SULT2B1: variants seen among roughly 807,000 people sequenced by gnomAD.
The protein encoded by SULT2B1 is sulfotransferase 2B1.
Under a neutral mutation model 33.2 loss-of-function variants are expected in SULT2B1, and 16 were observed. The ratio of observed to expected loss-of-function variants is 0.48; its 90% CI spans 0.33 to 0.73. The LOEUF (loss-of-function observed/expected upper bound fraction) is 0.73. Ranked by LOEUF, SULT2B1 falls within the 30% of genes least tolerant of loss-of-function variation. The probability of loss-of-function intolerance (pLI) is 0.02; values close to 1 mark genes in which losing one functional copy is unlikely to be tolerated. For synonymous variants in SULT2B1, 186 were observed against 200.5 expected, an observed-to-expected ratio of 0.93 and a Z score of 0.61; for missense variants, 500 against 506.0, an observed-to-expected ratio of 0.99 and a Z score of 0.11.
chr19:48,577,203 T>TTTTTA (rs773924047), intron 2 of SULT2B1, among the ~76,000 whole-genome samples: 82 of 150,778 alleles, frequency 5.4e-4, no homozygotes, highest in Non-Finnish European at 8.9e-4. Flanking sequence ...CGGCTACTTC[T>TTTTTA]TTTTATTTTA....
At chr19:48,555,089 T>C (rs1255543485) in intron 1 of SULT2B1, among the ~76,000 whole-genome samples, 3 of 151,686 alleles carry the variant, frequency 2.0e-5, no homozygotes, top group African/African-American at 7.3e-5. Flanking sequence ...GCCCAGTTAA[T>C]ATTATTACTA....
rs896958062 is a variant in SULT2B1, at chr19:48,552,393, C to A, written c.71+70C>A. ...GGTGGCTGTTTGGGGGAGCCGGGGA[C>A]TGTGGCAAGGGTGGCCTCCAGCCAC... On this transcript the variant is annotated intron_variant, in intron 1 of 6. Transcript: ENST00000201586. The surrounding 1 kb of genome is among the most constrained non-coding windows in gnomAD (Gnocchi z 4.8). 2.3e-5 allele frequency: 35 copies of A among 1,549,286 alleles called. No individual in the cohort carries two copies. The African/African-American group carries it at 4.1e-4, about 18-fold the overall frequency.
At chr19:48,585,048 CAAAAAAAAAAA>C (rs57540837) in intron 2 of SULT2B1, among the ~76,000 whole-genome samples, 1 of 62,246 alleles carries the variant, frequency 1.6e-5, no homozygotes, top group African/African-American at 7.2e-5. Flanking sequence ...GACTCCTTCT[CAAAAAAAAAAA>C]AAAAAAAAAA....
At chr19:48,556,766 C>G (rs920196650) in intron 1 of SULT2B1, among the ~76,000 whole-genome samples, 1 of 151,546 alleles carries the variant, frequency 6.6e-6, no homozygotes, top group Non-Finnish European at 1.5e-5. Flanking sequence ...GCCTGGCCAA[C>G]ATGGTGACAC....
At chr19:48,591,548 A>G (rs1973642511) in intron 3 of SULT2B1, 61 bp from the exon 4 acceptor site, 1 of 1,550,190 alleles carries the variant, frequency 6.5e-7, no homozygotes, top group Non-Finnish European at 8.7e-7. Flanking sequence ...AGGAGGCCTC[A>G]GGGGCTGGGG....
intron 3 of SULT2B1, among the ~76,000 whole-genome samples, chr19:48,588,660 T>C (rs1462335512): frequency 1.3e-5 from 2 of 151,606 alleles, no homozygotes; most frequent in African/African-American, 4.8e-5. Flanking sequence ...ATGGGATAAA[T>C]TTACATTGGG....
intron 1 of SULT2B1, among the ~76,000 whole-genome samples, chr19:48,566,933 G>A (rs1050200775): frequency 6.6e-6 from 1 of 152,020 alleles, no homozygotes; most frequent in African/African-American, 2.4e-5. Context: ...AACCTGGGAG[G>A]TGCTAGTTGC....
chr19:48,552,782 G>A lies in SULT2B1; in HGVS notation c.71+459G>A, dbSNP rs1473541213. 6.6e-6 allele frequency among the ~76,000 whole-genome samples: 1 copy of A among 152,132 alleles called. No homozygotes were observed. The highest frequency in any genetic ancestry group is 2.4e-5 in the African/African-American group (1 of 41,442). On this transcript the variant is annotated intron_variant, in intron 1 of 6. Coordinates refer to ENST00000201586, the MANE Select transcript of SULT2B1 (RefSeq NM_177973.2). This position sits in a 1 kb window ranked among gnomAD's most constrained non-coding sequence, Gnocchi z 4.8. Reference sequence around the variant, plus strand: ...GGGATGCTGCTGAGACCCCCAGAGGGAGAAGCTGTGTTCTAGGGCACTTGG... The same window carrying A: ...GGGATGCTGCTGAGACCCCCAGAGGAAGAAGCTGTGTTCTAGGGCACTTGG...
chr19:48,556,635 T>C (rs1489934084), intron 1 of SULT2B1, among the ~76,000 whole-genome samples: 1 of 150,030 alleles, frequency 6.7e-6, no homozygotes, highest in Non-Finnish European at 1.5e-5. Context: ...GTTTTCAGAA[T>C]ACACGCATAT....
chr19:48,568,344 A>G (rs541351743), intron 1 of SULT2B1, among the ~76,000 whole-genome samples: 71 of 151,532 alleles, frequency 4.7e-4, no homozygotes, highest in African/African-American at 1.6e-3. Context: ...GGATGCGGAG[A>G]TGGGCAGTAA....
intron 1 of SULT2B1, among the ~76,000 whole-genome samples, chr19:48,575,228 C>T (rs1243146280): frequency 6.7e-6 from 1 of 149,858 alleles, no homozygotes; most frequent in African/African-American, 2.5e-5. Flanking sequence ...CCTGCCTCAG[C>T]CTCCCGAGTA....
In SULT2B1 at chr19:48,552,267, C is replaced by T. The variant is rs16982141; in HGVS notation, c.15C>T (p.Ala5=). ...ACCCACCTGCCATGGACGGGCCCGCCGAGCCCCAGATCCCGGGCTTGTGGG... is the reference window on the plus strand; with the variant it reads ...ACCCACCTGCCATGGACGGGCCCGCTGAGCCCCAGATCCCGGGCTTGTGGG... MDGP[A]EPQIPGLWDT... is the part of the protein sequence containing the mutation. Residue 5 remains alanine (A), a synonymous_variant, in exon 1 of 7, where the codon GCC becomes GCT. Transcript: ENST00000201586. This position sits in a 1 kb window ranked among gnomAD's most constrained non-coding sequence, Gnocchi z 4.8. The T allele has an allele frequency of 6.2e-3, 10,020 of 1,613,932 alleles. 50 individuals carry two copies. The highest frequency in any genetic ancestry group is 0.01 in the South Asian group (926 of 91,074).
chr19:48,599,182 G>T lies in SULT2B1; in HGVS notation c.874G>T (p.Ala292Ser). 6.2e-7 allele frequency: 1 copy of T among 1,601,128 alleles called. No homozygotes were observed. Residue 292 changes from alanine (A) to serine (S), a missense_variant, in exon 7 of 7, where the codon GCC becomes TCC. Coordinates refer to ENST00000201586, the MANE Select transcript of SULT2B1 (RefSeq NM_177973.2). The surrounding 1 kb of genome is among the most constrained non-coding windows in gnomAD (Gnocchi z 4.1). ...KNHFTVAQSE[A>S]FDRAYRKQMR... is the part of the protein sequence containing the mutation. Reference sequence around the variant, plus strand: ...CCACTTCACGGTGGCCCAGAGCGAAGCCTTCGATCGTGCCTACCGCAAGCA... The same window carrying T: ...CCACTTCACGGTGGCCCAGAGCGAATCCTTCGATCGTGCCTACCGCAAGCA...
chr19:48,569,400 G>C (rs1381842154), intron 1 of SULT2B1, among the ~76,000 whole-genome samples: 1 of 7,768 alleles, frequency 1.3e-4, no homozygotes, highest in African/African-American at 9.7e-4. Flanking sequence ...ATATATATAT[G>C]ATAAATTTTA....
intron 4 of SULT2B1, among the ~76,000 whole-genome samples, chr19:48,592,317 T>C (rs1973653721): frequency 6.6e-6 from 1 of 150,452 alleles, no homozygotes; most frequent in Non-Finnish European, 1.5e-5. Flanking sequence ...TAAAAAGAGA[T>C]AAGGAAATAA....
chr19:48,568,218 C>T (rs1368029522), intron 1 of SULT2B1, among the ~76,000 whole-genome samples: 1 of 146,728 alleles, frequency 6.8e-6, no homozygotes, highest in African/African-American at 2.6e-5. Context: ...GGGTGGAGGT[C>T]GAGGGTGCAG....
chr19:48,592,627 G>A (rs1322647824), intron 4 of SULT2B1, 95 bp from the exon 5 acceptor site: 1 of 1,079,800 alleles, frequency 9.3e-7, no homozygotes, highest in Non-Finnish European at 1.4e-6. Flanking sequence ...GGACCTGGGG[G>A]TTTGTGGGGC....
intron 2 of SULT2B1, among the ~76,000 whole-genome samples, chr19:48,576,415 T>G (rs1355904351): frequency 8.3e-6 from 1 of 119,954 alleles, no homozygotes; most frequent in Non-Finnish European, 1.7e-5. Flanking sequence ...CAGGCTGGTC[T>G]TGAACTCCTG....
chr19:48,593,830 C>T (rs1049634083), intron 5 of SULT2B1, among the ~76,000 whole-genome samples: 19 of 148,026 alleles, frequency 1.3e-4, no homozygotes, highest in African/African-American at 4.4e-4. Flanking sequence ...GACGGGGTTT[C>T]TCCATGTTGG....
Sources: gnomAD v4.1 joint callset for allele counts (sites outside exome capture counted in the v4.1 genomes callset) on GRCh38, gnomAD v4.1.1 for gene constraint, Gnocchi (gnomAD v3.1) non-coding constraint, MANE v1.5 for transcripts, NCBI Gene and HGNC (gene_info 2026-07-23, HGNC 2026-07-21) for gene names.